Variants in KIF4A observed in about 807,000 individuals in gnomAD.
The protein encoded by KIF4A is kinesin family member 4A.
In KIF4A, 7 loss-of-function variants were observed where a neutral mutation model predicts 105.9. The observed-to-expected ratio is 0.07, with a 90% CI of 0.04 to 0.12. The LOEUF (loss-of-function observed/expected upper bound fraction) is 0.12. Among genes scored for constraint, KIF4A ranks in the 10% least tolerant of loss-of-function variants. The pLI, the probability that KIF4A is intolerant of heterozygous loss-of-function variation, is 1.00. For synonymous variants in KIF4A, 281 were observed against 331.3 expected, an observed-to-expected ratio of 0.85 and a Z score of 1.65; for missense variants, 558 against 929.2, an observed-to-expected ratio of 0.60 and a Z score of 5.19.
At chrX:70,367,464 A>G (rs1363098068) in intron 15 of KIF4A, among the ~76,000 whole-genome samples, 1 of 111,625 alleles carries the variant, frequency 9.0e-6, no homozygotes, top group Non-Finnish European at 1.9e-5. Context: ...AAAATCTCTC[A>G]GCATTTGCTT....
At chrX:70,322,358 C>T (rs2085893962) in intron 7 of KIF4A, among the ~76,000 whole-genome samples, 1 of 108,762 alleles carries the variant, frequency 9.2e-6, no homozygotes, top group Admixed American at 9.9e-5. Context: ...GTCGCCCAGG[C>T]TGAAGTGCAG....
At chrX:70,326,636 C>G (rs775823306) in intron 7 of KIF4A, among the ~76,000 whole-genome samples, 1 of 111,998 alleles carries the variant, frequency 8.9e-6, no homozygotes, top group Non-Finnish European at 1.9e-5. Flanking sequence ...TTTTGACTCT[C>G]CTTACTTGAT....
chrX:70,415,861 CTTTTTTTTTTTTT>C (rs1162374099), intron 28 of KIF4A, among the ~76,000 whole-genome samples: 1 of 57,434 alleles, frequency 1.7e-5, no homozygotes, highest in Non-Finnish European at 3.2e-5. Context: ...TGCATTATTT[CTTTTTTTTTTTTT>C]TTTTTTTTTT....
chrX:70,389,309 G>A (rs1362716497), intron 20 of KIF4A, among the ~76,000 whole-genome samples: 3 of 109,269 alleles, frequency 2.7e-5, no homozygotes, highest in South Asian at 3.9e-4. Context: ...GCTCATGCCT[G>A]TAATCCCAGC....
Position 70,332,499 on chromosome X carries a change from G to A in KIF4A, c.1072-1129G>A, listed in dbSNP as rs777659156. ...TATTGGAGTAAGTTGAGGAGCAACC[G>A]AGTGGCGAGCGAAAGGAAATGGAGG... is the stretch of plus-strand genomic sequence containing the variant. On this transcript the variant is annotated intron_variant, in intron 9 of 30. Transcript: ENST00000374403. Among the ~76,000 whole-genome samples the A allele has an allele frequency of 7.2e-5, 8 of 111,453 alleles. No individual in the cohort carries two copies. In the East Asian group the frequency reaches 8.4e-4, roughly 12 times the overall value.
At chrX:70,360,838 A>T (rs920987303) in intron 15 of KIF4A, among the ~76,000 whole-genome samples, 1 of 112,550 alleles carries the variant, frequency 8.9e-6, no homozygotes, top group African/African-American at 3.2e-5. Context: ...GGCTTTCCAA[A>T]TTTCACGAGG....
intron 22 of KIF4A, among the ~76,000 whole-genome samples, chrX:70,397,938 G>A (rs5936891): frequency 0.13 from 14,273 of 111,794 alleles, 774 homozygotes; most frequent in East Asian, 0.24. Context: ...GTTGTAAACC[G>A]TTGTTAGTTT....
chrX:70,398,142 A>G (rs1337924024), intron 22 of KIF4A, among the ~76,000 whole-genome samples: 1 of 111,856 alleles, frequency 8.9e-6, no homozygotes, highest in Admixed American at 9.5e-5. Flanking sequence ...GGTTCAAGTG[A>G]TTCTCATGTC....
At chrX:70,406,100 G>A (rs1438840288) in intron 26 of KIF4A, among the ~76,000 whole-genome samples, 159 bp from the exon 27 acceptor site, 6 of 111,678 alleles carry the variant, frequency 5.4e-5, no homozygotes, top group African/African-American at 2.0e-4. Context: ...ATCTAATATT[G>A]TTGATATTGG....
intron 15 of KIF4A, among the ~76,000 whole-genome samples, chrX:70,373,385 A>G (rs1402710251): frequency 3.2e-5 from 3 of 95,212 alleles, no homozygotes; most frequent in Non-Finnish European, 2.1e-5. Flanking sequence ...AAAAAGAAAG[A>G]AAATAAGCAA....
At position 70,420,515 on chromosome X, in the gene KIF4A, T is replaced by C; in HGVS notation, c.*250T>C. On this transcript the variant is annotated 3_prime_UTR_variant, in exon 31 of 31. Coordinates refer to ENST00000374403, the MANE Select transcript of KIF4A (RefSeq NM_012310.5). The stretch of plus-strand genomic sequence containing the variant: ...AAGAGAGAACCAACTGACTTTCCTA[T>C]TGACTCATCAGGAACCAGTCCTCAG... 1 of 356,182 alleles carries C rather than the reference T, an allele frequency of 2.8e-6. No individual in the cohort carries two copies. The highest frequency in any genetic ancestry group is 4.7e-5 in the East Asian group (1 of 21,150). The allele number at this position is 356,182 out of a possible 1,213,427, so 29.4% of individuals were successfully genotyped here.
chrX:70,365,491 C>T (rs753526624), intron 15 of KIF4A, among the ~76,000 whole-genome samples: 3 of 111,942 alleles, frequency 2.7e-5, no homozygotes, highest in African/African-American at 6.5e-5. Flanking sequence ...TCTGCATCTA[C>T]TGAGATAATC....
At chrX:70,376,919 A>G (rs1446976327) in intron 18 of KIF4A, among the ~76,000 whole-genome samples, 1 of 111,685 alleles carries the variant, frequency 9.0e-6, no homozygotes, top group African/African-American at 3.3e-5. Flanking sequence ...CCAGAACACA[A>G]GAAGATATTG....
At position 70,397,051 on chromosome X, in the gene KIF4A, C is replaced by T. The variant is rs369099516; in HGVS notation, c.2489+1002C>T. The stretch of plus-strand genomic sequence containing the variant: ...TTGCGCCATTGCACTCCAGCCTGGG[C>T]GATAGAGCAAGACTCCATCTCAAAA... On this transcript the variant is annotated intron_variant, in intron 22 of 30. Coordinates refer to ENST00000374403, the MANE Select transcript of KIF4A (RefSeq NM_012310.5). Among the ~76,000 whole-genome samples, 12 of 104,430 alleles carry T rather than the reference C, an allele frequency of 1.1e-4. No individual in the cohort carries two copies. The East Asian group carries it at 2.1e-3, about 19-fold the overall frequency. The allele number at this position is 104,430 out of a possible 115,157, so 90.7% of individuals were successfully genotyped here.
At chrX:70,324,593 A>G (rs2085903376) in intron 7 of KIF4A, among the ~76,000 whole-genome samples, 1 of 111,683 alleles carries the variant, frequency 9.0e-6, no homozygotes, top group Non-Finnish European at 1.9e-5. Context: ...CTGTCATCTG[A>G]ACCATTAAAA....
chrX:70,375,311 C>G lies in KIF4A; in HGVS notation c.1886C>G (p.Thr629Arg). The G allele has an allele frequency of 8.3e-7, 1 of 1,211,099 alleles. No homozygotes were observed. The change falls in exon 17 of 31, where the codon ACA becomes AGA. Residue 629 changes from threonine to arginine, a missense_variant. By Grantham distance (71) the Thr-to-Arg change is moderately conservative (BLOSUM62 -1). Coordinates refer to ENST00000374403, the MANE Select transcript of KIF4A (RefSeq NM_012310.5). The part of the protein sequence containing the change: ...QSKLLKLKES[T>R]ERTVSKLNQE... Reference sequence around the variant, plus strand: ...AAACTTCTGAAACTAAAGGAATCCACAGAGCGTACTGTCTCCAAACTGAAC... The same window carrying G: ...AAACTTCTGAAACTAAAGGAATCCAGAGAGCGTACTGTCTCCAAACTGAAC...
intron 15 of KIF4A, chrX:70,362,341 T>A: frequency 3.4e-6 from 1 of 295,347 alleles, no homozygotes; most frequent in Non-Finnish European, 6.5e-6. Flanking sequence ...AGAGGGTAAT[T>A]CTCCTTGGTG....
intron 7 of KIF4A, 73 bp downstream of exon 7, chrX:70,302,471 C>G: frequency 9.9e-7 from 1 of 1,006,292 alleles, no homozygotes; most frequent in Non-Finnish European, 1.4e-6. Context: ...TTGGTGTTTT[C>G]GACTGGGATT....
At chrX:70,400,019 A>G (rs188135534) in intron 22 of KIF4A, among the ~76,000 whole-genome samples, 1,722 of 102,778 alleles carry the variant, frequency 0.017, 36 homozygotes, top group African/African-American at 0.058. Context: ...ATTGCAACTA[A>G]CTCTTTTTTT....
Sources: gnomAD v4.1 joint callset for allele counts (sites outside exome capture counted in the v4.1 genomes callset) on GRCh38, gnomAD v4.1.1 for gene constraint, MANE v1.5 for transcripts, NCBI Gene and HGNC (gene_info 2026-07-23, HGNC 2026-07-21) for gene names.